The following PCDHA2 variants were observed in gnomAD, a reference collection of about 807,000 sequenced individuals.
The protein encoded by PCDHA2 is protocadherin alpha 2.
PCDHA2 carries 58 observed loss-of-function variants against 66.0 expected under a neutral mutation model. That is an observed-to-expected ratio of 0.88 (90% CI 0.71 to 1.09). PCDHA2 has a LOEUF of 1.09. PCDHA2 is among the 50% of genes least tolerant of loss of function. PCDHA2 has a pLI of 0.00. For synonymous variants in PCDHA2, 634 were observed against 554.0 expected (o/e 1.14, Z -2.03); for missense variants, 1,267 against 1,242.3 (o/e 1.02, Z -0.30).
intron 1 of PCDHA2, among the ~76,000 whole-genome samples, chr5:140,871,878 C>T (rs1390055446): frequency 6.6e-6 from 1 of 152,222 alleles, no homozygotes; most frequent in Non-Finnish European, 1.5e-5. Context: ...TTTAAATTTG[C>T]TCCTCTTTGT....
intron 1 of PCDHA2, chr5:140,966,581 G>A: frequency 1.9e-6 from 1 of 535,414 alleles, no homozygotes; most frequent in Non-Finnish European, 3.0e-6. Flanking sequence ...AGTCAGCGAG[G>A]ACGGTGGGGC....
chr5:140,850,009 C>T (rs2150463255), intron 1 of PCDHA2: 11 of 1,596,964 alleles, frequency 6.9e-6, no homozygotes, highest in Non-Finnish European at 9.4e-6. Flanking sequence ...CGCTCGCTGT[C>T]GAGCTACGTG....
chr5:140,872,447 C>T (rs555580142), intron 1 of PCDHA2, among the ~76,000 whole-genome samples: 10 of 152,054 alleles, frequency 6.6e-5, no homozygotes, highest in African/African-American at 2.2e-4. Flanking sequence ...GACAACATAG[C>T]GAGATCCTGT....
chr5:140,851,315 T>G lies in PCDHA2; in HGVS notation c.2388+53963T>G. ...GCAAAAATATATAGCAATTGTTACC[T>G]TGTTAAGTTTGTAGTTCTCTACATT... On this transcript the variant is annotated intron_variant, in intron 1 of 3. Coordinates refer to ENST00000526136, the MANE Select transcript of PCDHA2 (RefSeq NM_018905.3). 7.1e-6 allele frequency: 7 copies of G among 992,586 alleles called. 1 individual carries two copies. The highest frequency in any genetic ancestry group is 8.6e-6 in the Non-Finnish European group (7 of 809,654). 61.5% of individuals were successfully genotyped at this position (992,586 alleles called of 1,614,324 possible).
chr5:140,912,113 A>C (rs1477558453), intron 1 of PCDHA2, among the ~76,000 whole-genome samples: 3 of 152,182 alleles, frequency 2.0e-5, no homozygotes, highest in African/African-American at 7.2e-5. Flanking sequence ...GTAGGCTGGG[A>C]GGCTAAGTCA....
intron 1 of PCDHA2, among the ~76,000 whole-genome samples, chr5:140,885,790 G>T (rs141648269): frequency 0.012 from 1,822 of 152,058 alleles, 11 homozygotes; most frequent in Non-Finnish European, 0.018. Context: ...TGAGCATATT[G>T]TCATATGTAT....
chr5:140,805,194 A>G (rs187521466), intron 1 of PCDHA2: 16,210 of 1,459,160 alleles, frequency 0.011, 123 homozygotes, highest in Non-Finnish European at 0.014. Context: ...TAAATATTGA[A>G]TAGCTACCAA....
intron 1 of PCDHA2, among the ~76,000 whole-genome samples, chr5:140,909,299 T>G (rs561949225): frequency 6.6e-6 from 1 of 152,320 alleles, no homozygotes; most frequent in Non-Finnish European, 1.5e-5. Flanking sequence ...TGGACAGGAA[T>G]GGAGAAAAAG....
intron 1 of PCDHA2, chr5:140,871,036 C>T: frequency 6.2e-7 from 1 of 1,613,274 alleles, no homozygotes; most frequent in Non-Finnish European, 8.5e-7. Context: ...GCCGCGCCAC[C>T]GACTTCTAGT....
At chr5:140,910,924 A>T (rs568597600) in intron 1 of PCDHA2, among the ~76,000 whole-genome samples, 1 of 152,142 alleles carries the variant, frequency 6.6e-6, no homozygotes, top group Admixed American at 6.5e-5. Flanking sequence ...GCTTATATAA[A>T]TAAGAAAGCT....
intron 1 of PCDHA2, chr5:140,843,353 G>A: frequency 1.3e-6 from 2 of 1,596,134 alleles, no homozygotes; most frequent in African/African-American, 1.3e-5. Context: ...GGCTCCAAAA[G>A]CGTCATCGAG....
chr5:140,966,428 C>T (rs1297076694), intron 1 of PCDHA2: 6 of 423,554 alleles, frequency 1.4e-5, no homozygotes, highest in Non-Finnish European at 1.2e-5. Flanking sequence ...TTGCTGAGCC[C>T]TCCTACCGCT....
At chr5:140,802,790 G>T (rs1763026014) in intron 1 of PCDHA2, 1 of 1,613,270 alleles carries the variant, frequency 6.2e-7, no homozygotes, top group African/African-American at 1.3e-5. Flanking sequence ...TAGAGCTGCT[G>T]CAGTTCCAGG....
At chr5:140,947,234 AAAAAT>A (rs1164220377) in intron 1 of PCDHA2, among the ~76,000 whole-genome samples, 3 of 151,602 alleles carry the variant, frequency 2.0e-5, no homozygotes, top group Non-Finnish European at 3.0e-5. Flanking sequence ...GACAGGAAAA[AAAAAT>A]AAGATAATCC....
At chr5:140,967,331 C>T (rs2096128497) in intron 1 of PCDHA2, 1 of 1,608,078 alleles carries the variant, frequency 6.2e-7, no homozygotes, top group African/African-American at 1.3e-5. Context: ...CGAGCTCAGC[C>T]CCAGCGAGCA....
rs781937670 is a variant in PCDHA2 at position 140,795,004 on chromosome 5, C to T, written c.40C>T (p.Arg14Trp). 1 of 1,613,720 alleles carries T rather than the reference C, an allele frequency of 6.2e-7. No individual in the cohort carries two copies. The highest frequency in any genetic ancestry group is 1.1e-5 in the South Asian group (1 of 91,036). The change falls in exon 1 of 4, where the codon CGG (arginine) becomes TGG (tryptophan). Residue 14 changes from arginine (R) to tryptophan (W), a missense_variant. Arg to Trp is a moderately radical substitution (Grantham distance 101, BLOSUM62 -3). Transcript: ENST00000526136. ...SIRRGRGAWTRLLSLLLLAAW... is the reference protein window; with the variant it reads ...SIRRGRGAWTWLLSLLLLAAW... Reference sequence around the variant, plus strand: ...CAGAAGGGGCCGAGGGGCCTGGACACGGCTGCTCTCGCTTCTGCTCCTCGC... The same window carrying T: ...CAGAAGGGGCCGAGGGGCCTGGACATGGCTGCTCTCGCTTCTGCTCCTCGC...
Position 140,843,641 on chromosome 5 carries a change from C to T in PCDHA2, c.2388+46289C>T, listed in dbSNP as rs1231976546. ...GAAGACGGACCTCATGGCCTTCAGCCCCTGCCTTCCTCCTGATCTGGGATC... is the reference window on the plus strand; with the variant it reads ...GAAGACGGACCTCATGGCCTTCAGCTCCTGCCTTCCTCCTGATCTGGGATC... On this transcript the variant is annotated intron_variant, in intron 1 of 3. Transcript: ENST00000526136. 2.4e-5 allele frequency: 38 copies of T among 1,595,398 alleles called. 1 individual carries two copies. The highest frequency in any genetic ancestry group is 4.5e-5 in the East Asian group (2 of 44,832).
At chr5:140,826,611 A>G (rs1466562195) in intron 1 of PCDHA2, among the ~76,000 whole-genome samples, 1 of 152,158 alleles carries the variant, frequency 6.6e-6, no homozygotes, top group Non-Finnish European at 1.5e-5. Flanking sequence ...ATTAAGGGCG[A>G]AGTTGATATT....
intron 1 of PCDHA2, chr5:140,928,070 A>G (rs1408962097): frequency 1.9e-6 from 3 of 1,614,058 alleles, no homozygotes; most frequent in East Asian, 4.5e-5. Flanking sequence ...TCCTTTGACA[A>G]CTACTACAGC....
Sources: gnomAD v4.1 joint callset for allele counts (sites outside exome capture counted in the v4.1 genomes callset) on GRCh38, gnomAD v4.1.1 for gene constraint, MANE v1.5 for transcripts, NCBI Gene and HGNC (gene_info 2026-07-23, HGNC 2026-07-21) for gene names.